The following TNS1 variants were observed in gnomAD, a reference collection of about 807,000 sequenced individuals.
TNS1 encodes the protein tensin 1.
In TNS1, 62 loss-of-function variants were observed where a neutral mutation model predicts 168.6. That is an observed-to-expected ratio of 0.37 (90% CI 0.30 to 0.45). TNS1 has a LOEUF of 0.45. Among genes scored for constraint, TNS1 ranks in the 20% least tolerant of loss-of-function variants. The pLI is 1.00. For missense variants in TNS1, 2,240 were observed against 2,339.4 expected (o/e 0.96, Z 0.88); for synonymous variants, 934 against 933.2 (o/e 1.00, Z -0.02).
intron 4 of TNS1, among the ~76,000 whole-genome samples, chr2:217,917,829 CAAAAAAAA>C (rs79888115): frequency 3.9e-5 from 3 of 75,990 alleles, no homozygotes; most frequent in African/African-American, 1.3e-4. Flanking sequence ...AGACTGTTCT[CAAAAAAAA>C]AAAAAAAAAA....
At chr2:218,014,862 AGGAAGGAC>A (rs770183412), upstream of TNS1, among the ~76,000 whole-genome samples, 4,158 of 85,482 alleles carry the variant, frequency 0.049, 85 homozygotes, top group African/African-American at 0.063. Context: ...GCAGGAGGGA[AGGAAGGAC>A]GGAAGGAAGG....
At chr2:217,887,852 C>G (rs879082740) in intron 12 of TNS1, among the ~76,000 whole-genome samples, 1 of 152,208 alleles carries the variant, frequency 6.6e-6, no homozygotes, top group African/African-American at 2.4e-5. Flanking sequence ...CCTTCTGCGT[C>G]GATTGGTCGG....
intron 3 of TNS1, among the ~76,000 whole-genome samples, chr2:217,957,623 G>A (rs1272101934): frequency 6.6e-6 from 1 of 152,108 alleles, no homozygotes; most frequent in Admixed American, 6.6e-5. Context: ...CTGATTCAAA[G>A]AAACCAATCC....
At chr2:218,023,246 G>T (rs1958824398) in intron 1 of TNS1, among the ~76,000 whole-genome samples, 1 of 152,148 alleles carries the variant, frequency 6.6e-6, no homozygotes, top group African/African-American at 2.4e-5. Flanking sequence ...AAGTGCAGAG[G>T]GCTGGGAACC....
intron 3 of TNS1, among the ~76,000 whole-genome samples, chr2:217,927,497 A>C (rs1474282144): frequency 6.6e-6 from 1 of 152,188 alleles, no homozygotes; most frequent in Non-Finnish European, 1.5e-5. Flanking sequence ...GCTCCAGATA[A>C]AGATGTCCAG....
intron 3 of TNS1, among the ~76,000 whole-genome samples, chr2:217,953,431 A>G (rs893675992): frequency 6.6e-6 from 1 of 152,250 alleles, no homozygotes; most frequent in Non-Finnish European, 1.5e-5. Flanking sequence ...CCAATCGGCC[A>G]TTAACTGCAA....
intron 2 of TNS1, chr2:217,979,076 G>A (rs1443841579): frequency 2.1e-5 from 9 of 435,286 alleles, no homozygotes; most frequent in South Asian, 3.1e-5. Context: ...GGTGGGGGGA[G>A]CAAAGGGGGG....
chr2:217,848,642 G>C lies in TNS1; in HGVS notation c.1875C>G (p.Ile625Met), dbSNP rs181839905. 6.9e-4 allele frequency: 1,117 copies of C among 1,614,226 alleles called. 22 individuals are homozygous for C. In the East Asian group the frequency reaches 0.021, roughly 30 times the overall value. The change falls in exon 19 of 33, where the codon ATC becomes ATG. Residue 625 changes from isoleucine to methionine, a missense_variant. Coordinates refer to ENST00000682258, the MANE Select transcript of TNS1 (RefSeq NM_001387777.1). ...GALASERETD[I>M]LDDELPNQDG... is the part of the protein sequence containing the mutation. Reference sequence around the variant, plus strand: ...CCTGGTTTGGCAATTCATCGTCCAGGATGTCTGTCTCCCGCTCAGATGCTA... The same window carrying C: ...CCTGGTTTGGCAATTCATCGTCCAGCATGTCTGTCTCCCGCTCAGATGCTA...
chr2:217,900,665 C>T, intron 6 of TNS1, 153 bp from the exon 7 acceptor site: 1 of 795,066 alleles, frequency 1.3e-6, no homozygotes, highest in African/African-American at 1.8e-5. Context: ...AAAACACAGC[C>T]TGCCCGAAGC....
chr2:217,999,899 T>C (rs1958532360), intron 1 of TNS1, among the ~76,000 whole-genome samples: 1 of 152,220 alleles, frequency 6.6e-6, no homozygotes, highest in African/African-American at 2.4e-5. Context: ...TTGAGACCAC[T>C]TAGCTGGCTC....
At chr2:217,934,033 A>G (rs1453591356) in intron 3 of TNS1, among the ~76,000 whole-genome samples, 1 of 152,188 alleles carries the variant, frequency 6.6e-6, no homozygotes, top group Non-Finnish European at 1.5e-5. Flanking sequence ...AATCCTTCCA[A>G]CAAGAGATTC....
chr2:218,019,304 A>G (rs1296909438), intron 1 of TNS1, among the ~76,000 whole-genome samples: 2 of 152,192 alleles, frequency 1.3e-5, no homozygotes, highest in Non-Finnish European at 2.9e-5. Context: ...CTTTCTGACC[A>G]TTCGTGGACA....
rs1559595 is a variant in TNS1 at position 217,800,859 on chromosome 2, C to T, written c.*3600G>A. On this transcript the variant is annotated 3_prime_UTR_variant, in exon 33 of 33. Transcript: ENST00000682258. Reference sequence around the variant, plus strand: ...TGATCACACTCACCACCCTTCTGTGCCCCCTGGACAGCATGCTCCCCTGGA... The same window carrying T: ...TGATCACACTCACCACCCTTCTGTGTCCCCTGGACAGCATGCTCCCCTGGA... 0.14 allele frequency: 21,375 copies of T among 152,158 alleles called. 2,337 individuals are homozygous for T. Among genetic ancestry groups the T allele is most frequent in the East Asian group, 0.5 (2,557 of 5,144 alleles). The allele number at this position is 152,158 out of a possible 1,614,324, so 9.4% of individuals were successfully genotyped here. A position where few individuals can be genotyped will look rare whatever the true frequency, so the allele number is the denominator to read the frequency against.
At chr2:217,857,445 T>C (rs1295976480) in intron 18 of TNS1, among the ~76,000 whole-genome samples, 2 of 152,156 alleles carry the variant, frequency 1.3e-5, no homozygotes, top group African/African-American at 4.8e-5. Flanking sequence ...CTGGAGGCAT[T>C]GGAAGGTGGA....
intron 18 of TNS1, among the ~76,000 whole-genome samples, chr2:217,876,872 T>C (rs1268343747): frequency 6.6e-6 from 1 of 152,142 alleles, no homozygotes; most frequent in African/African-American, 2.4e-5. Flanking sequence ...ATCTCAGACT[T>C]GTAGCCTCCA....
intron 2 of TNS1, among the ~76,000 whole-genome samples, chr2:217,987,857 C>T (rs373106175): frequency 1.2e-4 from 18 of 152,304 alleles, no homozygotes; most frequent in East Asian, 3.9e-4. Context: ...ACAACCATAT[C>T]GGGTGGCCCT....
chr2:218,010,152 C>T, exon 1 of TNS1: 1 of 399,298 alleles, frequency 2.5e-6, no homozygotes, highest in Non-Finnish European at 4.4e-6. Flanking sequence ...GAGGTACTTG[C>T]CCCATCGGAT....
intron 14 of TNS1, 87 bp downstream of exon 14, chr2:217,885,957 T>C: frequency 6.4e-7 from 1 of 1,567,928 alleles, no homozygotes; most frequent in Admixed American, 1.7e-5. Context: ...CTCTTGAGAA[T>C]ATTCTCTCCT....
chr2:217,934,320 T>C (rs574040927), intron 3 of TNS1, among the ~76,000 whole-genome samples: 127 of 152,240 alleles, frequency 8.3e-4, no homozygotes, highest in African/African-American at 2.8e-3. Context: ...TGTGGCACCC[T>C]GCTGGCCGGG....
Sources: gnomAD v4.1 joint callset for allele counts (sites outside exome capture counted in the v4.1 genomes callset) on GRCh38, gnomAD v4.1.1 for gene constraint, MANE v1.5 for transcripts, NCBI Gene and HGNC (gene_info 2026-07-23, HGNC 2026-07-21) for gene names.